The following LRRC4C variants were observed in gnomAD, a reference collection of about 807,000 sequenced individuals.
The protein encoded by LRRC4C is leucine rich repeat containing 4C.
In LRRC4C, 5 loss-of-function variants were observed where a neutral mutation model predicts 33.6. The observed-to-expected ratio is 0.15, with a 90% CI of 0.08 to 0.31. The LOEUF (loss-of-function observed/expected upper bound fraction) is 0.31. Ranked by LOEUF, LRRC4C falls within the 10% of genes least tolerant of loss-of-function variation. The probability of loss-of-function intolerance (pLI) is 1.00; values close to 1 mark genes in which losing one functional copy is unlikely to be tolerated. For synonymous variants in LRRC4C, 329 were observed against 302.0 expected (o/e 1.09, Z -0.93); for missense variants, 560 against 796.7 (o/e 0.70, Z 3.58).
chr11:40,512,809 G>A (rs1456668106), intron 3 of LRRC4C, among the ~76,000 whole-genome samples: 1 of 152,148 alleles, frequency 6.6e-6, no homozygotes, highest in Non-Finnish European at 1.5e-5. Flanking sequence ...AGGTATCATT[G>A]GGAGTCGACA....
chr11:41,075,022 T>TATTTA (rs1565359425), intron 1 of LRRC4C, among the ~76,000 whole-genome samples: 1 of 25,876 alleles, frequency 3.9e-5, no homozygotes, highest in Admixed American at 6.8e-4. Context: ...TTCTTTTTTT[T>TATTTA]TTTTTTTTTT....
chr11:40,396,592 A>G (rs1262569392), intron 3 of LRRC4C, among the ~76,000 whole-genome samples: 9 of 152,130 alleles, frequency 5.9e-5, no homozygotes, highest in Admixed American at 5.9e-4. Context: ...AATATTAGAG[A>G]ACATGTAGAA....
intron 3 of LRRC4C, among the ~76,000 whole-genome samples, chr11:40,451,632 G>A (rs1211272986): frequency 1.3e-5 from 2 of 151,768 alleles, no homozygotes; most frequent in South Asian, 2.1e-4. Context: ...TGGTCCACCC[G>A]CCTTGGCCTC....
intron 3 of LRRC4C, among the ~76,000 whole-genome samples, chr11:40,345,139 G>C (rs947177600): frequency 2.0e-5 from 3 of 152,014 alleles, no homozygotes; most frequent in Admixed American, 6.6e-5. Context: ...TGAATTTATA[G>C]ATTCAATGCC....
rs578019841 is a variant in LRRC4C, at chr11:41,069,867, A to G, written c.-495-136144T>C. Among the ~76,000 whole-genome samples, 3 of 152,294 alleles carry G rather than the reference A, an allele frequency of 2.0e-5. No homozygotes were observed. The East Asian group carries it at 5.8e-4, about 29-fold the overall frequency. ...CAAAAGGATTTATAGATTCAATGCT[A>G]TTTTCATTAAACTACCATTGACATT... On this transcript the variant is annotated intron_variant, in intron 1 of 6. Coordinates refer to ENST00000528697, the MANE Select transcript of LRRC4C (RefSeq NM_001258419.2).
At chr11:41,434,287 A>G (rs1163073079) in intron 1 of LRRC4C, among the ~76,000 whole-genome samples, 1 of 152,168 alleles carries the variant, frequency 6.6e-6, no homozygotes, top group East Asian at 1.9e-4. Context: ...GGGTCAAGGG[A>G]AGAAAAAGAC....
intron 3 of LRRC4C, among the ~76,000 whole-genome samples, chr11:40,342,924 A>G (rs1565293089): frequency 1.3e-5 from 2 of 152,040 alleles, no homozygotes; most frequent in Non-Finnish European, 2.9e-5. Flanking sequence ...TCATCTCTCC[A>G]TCTATTTTTC....
chr11:40,213,685 A>G (rs1210130437), intron 5 of LRRC4C, among the ~76,000 whole-genome samples: 1 of 152,160 alleles, frequency 6.6e-6, no homozygotes, highest in African/African-American at 2.4e-5. Flanking sequence ...TAATCAGATA[A>G]TCTCCCTACT....
At chr11:40,783,311 T>C (rs933318160) in intron 2 of LRRC4C, among the ~76,000 whole-genome samples, 1 of 151,968 alleles carries the variant, frequency 6.6e-6, no homozygotes, top group African/African-American at 2.4e-5. Context: ...TTTTTTATTT[T>C]TTGAGACAGA....
chr11:40,978,652 C>A (rs1427116520), intron 1 of LRRC4C, among the ~76,000 whole-genome samples: 1 of 146,618 alleles, frequency 6.8e-6, no homozygotes, highest in Non-Finnish European at 1.5e-5. Context: ...TATGGAGTCT[C>A]GCTCTGTTGC....
intron 6 of LRRC4C, among the ~76,000 whole-genome samples, chr11:40,126,959 C>CA (rs111797947): frequency 0.066 from 9,074 of 137,936 alleles, 685 homozygotes; most frequent in African/African-American, 0.19. Context: ...AACTTTGTCT[C>CA]AAAAAAAAAA....
rs892427705 is a variant in LRRC4C at position 41,373,820 on chromosome 11, A to G, written c.-496+85611T>C. On this transcript the variant is annotated intron_variant, in intron 1 of 6. Coordinates refer to ENST00000528697, the MANE Select transcript of LRRC4C (RefSeq NM_001258419.2). Reference sequence around the variant, plus strand: ...ATATTAGTTTAAGCAAAGAAATAGAATTTTCAATAAAAGTATAAACATATT... The same window carrying G: ...ATATTAGTTTAAGCAAAGAAATAGAGTTTTCAATAAAAGTATAAACATATT... Among the ~76,000 whole-genome samples the G allele has an allele frequency of 2.0e-5, 3 of 152,308 alleles. No individual in the cohort carries two copies. The East Asian group carries it at 5.8e-4, about 29-fold the overall frequency.
intron 3 of LRRC4C, among the ~76,000 whole-genome samples, chr11:40,610,127 C>T (rs996860862): frequency 6.6e-6 from 1 of 151,746 alleles, no homozygotes; most frequent in African/African-American, 2.4e-5. Context: ...GAGAAAAAAT[C>T]CCCCCAAAAT....
At chr11:41,251,471 T>C (rs1295913435) in intron 1 of LRRC4C, among the ~76,000 whole-genome samples, 1 of 152,220 alleles carries the variant, frequency 6.6e-6, no homozygotes, top group African/African-American at 2.4e-5. Context: ...CATTAAAATA[T>C]GTGTCCTGTT....
At chr11:41,231,883 G>A (rs1230400996) in intron 1 of LRRC4C, among the ~76,000 whole-genome samples, 1 of 151,360 alleles carries the variant, frequency 6.6e-6, no homozygotes, top group Non-Finnish European at 1.5e-5. Context: ...TTGAATCCAT[G>A]GGTCTTTTTA....
At chr11:40,904,644 C>A (rs1043468075) in intron 2 of LRRC4C, among the ~76,000 whole-genome samples, 2 of 152,010 alleles carry the variant, frequency 1.3e-5, no homozygotes, top group Non-Finnish European at 1.5e-5. Flanking sequence ...TAGCTCAGAG[C>A]CACCACCACC....
Position 40,336,976 on chromosome 11 carries a change from CAAAAAAAAAAA to C in LRRC4C, c.-269-17266_-269-17256del, listed in dbSNP as rs34144874. Among the ~76,000 whole-genome samples, 632 of 79,244 alleles carry C rather than the reference CAAAAAAAAAAA, an allele frequency of 8.0e-3. 3 individuals are homozygous for C. The highest frequency in any genetic ancestry group is 0.011 in the Non-Finnish European group (492 of 46,456). 52.0% of individuals were successfully genotyped at this position (79,244 alleles called of 152,430 possible). ...TGGGGGACAGAGCGAGACTTCGTCTCAAAAAAAAAAAAAAAAAAAAAAAAAAAAAAGAGCGA... is the reference window on the plus strand; with the variant it reads ...TGGGGGACAGAGCGAGACTTCGTCTCAAAAAAAAAAAAAAAAAAAGAGCGA... On this transcript the variant is annotated intron_variant, in intron 3 of 6. Coordinates refer to ENST00000528697, the MANE Select transcript of LRRC4C (RefSeq NM_001258419.2).
At chr11:41,159,486 G>A (rs1046115517) in intron 1 of LRRC4C, among the ~76,000 whole-genome samples, 1 of 152,044 alleles carries the variant, frequency 6.6e-6, no homozygotes, top group African/African-American at 2.4e-5. Context: ...CACTGTCTGA[G>A]AGGAGTATGA....
At chr11:40,969,921 C>A (rs566282365) in intron 1 of LRRC4C, among the ~76,000 whole-genome samples, 1 of 152,054 alleles carries the variant, frequency 6.6e-6, no homozygotes, top group Non-Finnish European at 1.5e-5. Flanking sequence ...GTGAGATGGG[C>A]GGTGGGTCAT....
Sources: gnomAD v4.1 joint callset for allele counts (sites outside exome capture counted in the v4.1 genomes callset) on GRCh38, gnomAD v4.1.1 for gene constraint, MANE v1.5 for transcripts, NCBI Gene and HGNC (gene_info 2026-07-23, HGNC 2026-07-21) for gene names.